The following RCOR1 variants were observed in gnomAD, a reference collection of about 807,000 sequenced individuals.
The protein encoded by RCOR1 is REST corepressor.
Under a neutral mutation model 64.0 loss-of-function variants are expected in RCOR1, and 12 were observed. The ratio of observed to expected loss-of-function variants is 0.19; its 90% CI spans 0.12 to 0.30. The LOEUF is 0.30. Among genes scored for constraint, RCOR1 ranks in the 10% least tolerant of loss-of-function variants. The probability of loss-of-function intolerance (pLI) is 1.00; values close to 1 mark genes in which losing one functional copy is unlikely to be tolerated. For missense variants in RCOR1, 502 were observed against 621.2 expected (o/e 0.81, Z 2.04); for synonymous variants, 279 against 227.2 (o/e 1.23, Z -2.05).
intron 2 of RCOR1, among the ~76,000 whole-genome samples, chr14:102,634,682 A>G (rs1420459109): frequency 6.6e-6 from 1 of 150,506 alleles, no homozygotes; most frequent in East Asian, 1.9e-4. Context: ...ACGTACATAC[A>G]TATATATATG....
Position 102,592,870 on chromosome 14 carries a change from G to C in RCOR1, c.-17G>C. 1 of 1,185,550 alleles carries C rather than the reference G, an allele frequency of 8.4e-7. No homozygotes were observed. The highest frequency in any genetic ancestry group is 1.0e-6 in the Non-Finnish European group (1 of 960,240). The allele number at this position is 1,185,550 out of a possible 1,614,324, so 73.4% of individuals were successfully genotyped here. Reference sequence around the variant, plus strand: ...CCGCGGGTCCCCGCCACTTTCGCACGGCCCCGGCCCCCGCCGATGCCGGCC... The same window carrying C: ...CCGCGGGTCCCCGCCACTTTCGCACCGCCCCGGCCCCCGCCGATGCCGGCC... On this transcript the variant is annotated 5_prime_UTR_variant, in exon 1 of 12. Transcript: ENST00000262241.
intron 4 of RCOR1, among the ~76,000 whole-genome samples, chr14:102,706,509 A>T (rs187099773): frequency 6.6e-6 from 1 of 152,198 alleles, no homozygotes; most frequent in Non-Finnish European, 1.5e-5. Flanking sequence ...AAAATGGTAC[A>T]CCTGGTGGGG....
chr14:102,683,758 C>T (rs1183036674), intron 3 of RCOR1, among the ~76,000 whole-genome samples: 1 of 152,242 alleles, frequency 6.6e-6, no homozygotes, highest in Non-Finnish European at 1.5e-5. Flanking sequence ...TCTCCGCCCT[C>T]GGGCCCAGTG....
intron 2 of RCOR1, among the ~76,000 whole-genome samples, chr14:102,599,155 A>T (rs1011160864): frequency 6.6e-6 from 1 of 151,134 alleles, no homozygotes; most frequent in East Asian, 1.9e-4. Flanking sequence ...TTTTTGAGAT[A>T]GGGTCACACT....
At chr14:102,650,155 A>T (rs1190659917) in intron 2 of RCOR1, among the ~76,000 whole-genome samples, 1 of 148,026 alleles carries the variant, frequency 6.8e-6, no homozygotes, top group African/African-American at 2.5e-5. Flanking sequence ...CCGAGATCGC[A>T]CCACTGCACT....
intron 7 of RCOR1, among the ~76,000 whole-genome samples, chr14:102,712,014 T>TC (rs1757280267): frequency 6.6e-6 from 1 of 151,900 alleles, no homozygotes; most frequent in East Asian, 1.9e-4. Context: ...ATTTTTTTTT[T>TC]CTCTTTTTTC....
At chr14:102,650,564 A>G (rs1894568979) in intron 2 of RCOR1, among the ~76,000 whole-genome samples, 1 of 152,208 alleles carries the variant, frequency 6.6e-6, no homozygotes. Flanking sequence ...AAGACAGAAC[A>G]GGATTCCCTT....
At chr14:102,612,495 G>C (rs912877727) in intron 2 of RCOR1, among the ~76,000 whole-genome samples, 1 of 151,242 alleles carries the variant, frequency 6.6e-6, no homozygotes, top group African/African-American at 2.4e-5. Flanking sequence ...CACCACGCCC[G>C]GTCTGATTTT....
chr14:102,626,943 A>G (rs564222475), intron 2 of RCOR1, among the ~76,000 whole-genome samples: 1 of 152,346 alleles, frequency 6.6e-6, no homozygotes, highest in African/African-American at 2.4e-5. Context: ...TGGAGAAACC[A>G]TACTGATCAC....
intron 3 of RCOR1, among the ~76,000 whole-genome samples, chr14:102,696,050 G>C (rs1027557997): frequency 6.6e-6 from 1 of 151,936 alleles, no homozygotes; most frequent in African/African-American, 2.4e-5. Context: ...GTTTCTGCTT[G>C]TCAGTATAGA....
At chr14:102,641,039 G>A (rs1595208622) in intron 2 of RCOR1, among the ~76,000 whole-genome samples, 1 of 151,894 alleles carries the variant, frequency 6.6e-6, no homozygotes. Flanking sequence ...GGATCACGAG[G>A]TCAGGAGATC....
chr14:102,675,273 T>C (rs1358515331), intron 2 of RCOR1, among the ~76,000 whole-genome samples: 2 of 152,162 alleles, frequency 1.3e-5, no homozygotes, highest in Non-Finnish European at 2.9e-5. Flanking sequence ...ATGAAAGGTA[T>C]GTTTCAAGAC....
intron 2 of RCOR1, among the ~76,000 whole-genome samples, chr14:102,621,997 A>ATACG (rs1311571098): frequency 1.3e-5 from 2 of 152,202 alleles, no homozygotes; most frequent in African/African-American, 4.8e-5. Context: ...GCAAAGAGAA[A>ATACG]TACGAAGGCA....
intron 2 of RCOR1, among the ~76,000 whole-genome samples, chr14:102,675,875 T>G (rs1286902180): frequency 6.6e-6 from 1 of 152,222 alleles, no homozygotes; most frequent in Non-Finnish European, 1.5e-5. Flanking sequence ...GAACTTGTAC[T>G]GGCTTCTTTC....
chr14:102,708,694 A>G, intron 6 of RCOR1, 111 bp downstream of exon 6: 1 of 658,980 alleles, frequency 1.5e-6, no homozygotes, highest in East Asian at 2.6e-5. Context: ...TTCCTGGTGG[A>G]ACCACATGTT....
intron 7 of RCOR1, among the ~76,000 whole-genome samples, chr14:102,712,239 G>A (rs1895976003): frequency 6.6e-6 from 1 of 151,998 alleles, no homozygotes. Context: ...CTGGAGTGCA[G>A]TAGTATGACC....
At chr14:102,675,160 C>G (rs1477357516) in intron 2 of RCOR1, among the ~76,000 whole-genome samples, 4 of 149,984 alleles carry the variant, frequency 2.7e-5, no homozygotes, top group Admixed American at 2.0e-4. Flanking sequence ...TCTTTATTTT[C>G]ATTGTATTTA....
In RCOR1 at chr14:102,681,970, A is replaced by G. The variant is rs1391020521; in HGVS notation, c.437A>G (p.Glu146Gly). 2 of 1,611,846 alleles carry G rather than the reference A, an allele frequency of 1.2e-6. No homozygotes were observed. Among genetic ancestry groups the G allele is most frequent in the East Asian group, 4.5e-5 (2 of 44,880 alleles). The stretch of plus-strand genomic sequence containing the variant: ...TGGTCACCCAATCAAAATCTGTCAG[A>G]AGCAAAGTGTAAGTCTTGGAGCACT... Reference protein sequence around the residue: ...LVWSPNQNLSEAKLDEYIAIA... With the variant: ...LVWSPNQNLSGAKLDEYIAIA... The change falls in exon 3 of 12, where the codon GAA becomes GGA. Residue 146 changes from glutamate (E) to glycine (G), a missense_variant. This residue lies in a region of RCOR1 where 260 missense variants were observed against 416.4 expected (regional missense o/e 0.62). Transcript: ENST00000262241.
chr14:102,702,580 G>A (rs1895774530), intron 4 of RCOR1, among the ~76,000 whole-genome samples: 1 of 152,060 alleles, frequency 6.6e-6, no homozygotes, highest in Non-Finnish European at 1.5e-5. Flanking sequence ...AGTAAAGTGT[G>A]ATACTTGAAG....
Sources: gnomAD v4.1 joint callset for allele counts (sites outside exome capture counted in the v4.1 genomes callset) on GRCh38, gnomAD v4.1.1 for gene constraint, gnomAD v4.1.1 regional missense constraint, MANE v1.5 for transcripts, NCBI Gene and HGNC (gene_info 2026-07-23, HGNC 2026-07-21) for gene names.